The following CRACD variants were observed in gnomAD, a reference collection of about 807,000 sequenced individuals.
The protein encoded by CRACD is capping protein-inhibiting regulator of actin dynamics.
Under a neutral mutation model 106.8 loss-of-function variants are expected in CRACD, and 56 were observed. The ratio of observed to expected loss-of-function variants is 0.52; its 90% CI spans 0.42 to 0.66. CRACD has a LOEUF of 0.66. Among genes scored for constraint, CRACD ranks in the 30% least tolerant of loss-of-function variants. The pLI is 0.00. For synonymous variants in CRACD, 754 were observed against 670.8 expected (o/e 1.12, Z -1.92); for missense variants, 1,730 against 1,623.2 (o/e 1.07, Z -1.13).
chr4:56,310,074 T>C (rs1035046849), intron 5 of CRACD, among the ~76,000 whole-genome samples: 1 of 151,240 alleles, frequency 6.6e-6, no homozygotes, highest in Non-Finnish European at 1.5e-5. Context: ...GTGGGCCATA[T>C]GAAAGGTACA....
chr4:56,085,286 A>G lies in CRACD; in HGVS notation c.-336+35987A>G, dbSNP rs565020803. ...TACTCTCCCGGGAGTCCTTAAAACA[A>G]TATTAGTAGAATCTTTATTTTAAAG... On this transcript the variant is annotated intron_variant, in intron 1 of 10. Transcript: ENST00000682029. Among the ~76,000 whole-genome samples, 8 of 152,296 alleles carry G rather than the reference A, an allele frequency of 5.3e-5. No homozygotes were observed. In the South Asian group the frequency reaches 6.2e-4, roughly 12 times the overall value.
intron 2 of CRACD, among the ~76,000 whole-genome samples, chr4:56,236,361 T>G (rs577073141): frequency 2.0e-5 from 3 of 152,262 alleles, no homozygotes; most frequent in African/African-American, 7.2e-5. Context: ...AGACTTCCCC[T>G]CTAAGAACTG....
chr4:56,059,840 C>T (rs536376004), intron 1 of CRACD, among the ~76,000 whole-genome samples: 2 of 152,108 alleles, frequency 1.3e-5, no homozygotes, highest in Non-Finnish European at 2.9e-5. Flanking sequence ...TGCGCCACCA[C>T]ACCTGGCTAA....
At chr4:56,084,145 AC>A (rs1733135587) in intron 1 of CRACD, among the ~76,000 whole-genome samples, 1 of 152,202 alleles carries the variant, frequency 6.6e-6, no homozygotes, top group South Asian at 2.1e-4. Flanking sequence ...ACTGTGCATC[AC>A]CCCAAAAGAC....
At chr4:56,265,403 G>GGTGTGTGT (rs111811548) in intron 2 of CRACD, among the ~76,000 whole-genome samples, 2 of 77,354 alleles carry the variant, frequency 2.6e-5, no homozygotes, top group Admixed American at 2.9e-4. Flanking sequence ...ATAGAGGAGG[G>GGTGTGTGT]GTGTGTGTGT....
At chr4:56,076,899 C>A (rs534426241) in intron 1 of CRACD, among the ~76,000 whole-genome samples, 1 of 152,306 alleles carries the variant, frequency 6.6e-6, no homozygotes, top group Non-Finnish European at 1.5e-5. Context: ...TAGCTAATAA[C>A]TTGAACATAG....
chr4:56,167,208 CA>C (rs1390617161), intron 1 of CRACD, among the ~76,000 whole-genome samples: 1 of 151,418 alleles, frequency 6.6e-6, no homozygotes, highest in African/African-American at 2.4e-5. Context: ...TCATTTTTTT[CA>C]AAAAAGCTGT....
intron 1 of CRACD, among the ~76,000 whole-genome samples, chr4:56,105,887 C>A (rs1366982383): frequency 6.7e-6 from 1 of 149,952 alleles, no homozygotes; most frequent in Non-Finnish European, 1.5e-5. Context: ...TCTTTTTGAG[C>A]TTTTGGTTGG....
intron 3 of CRACD, among the ~76,000 whole-genome samples, chr4:56,289,718 G>T (rs979234795): frequency 6.6e-6 from 1 of 151,862 alleles, no homozygotes; most frequent in African/African-American, 2.4e-5. Context: ...AGTAAAACTG[G>T]TATATCCTCT....
rs759149211 is a variant in CRACD, at chr4:56,316,546, C to A, written c.3044C>A (p.Pro1015Gln). 1 of 1,613,376 alleles carries A rather than the reference C, an allele frequency of 6.2e-7. No homozygotes were observed. Among genetic ancestry groups the A allele is most frequent in the Non-Finnish European group, 8.5e-7 (1 of 1,179,654 alleles). ...GACCAGGAGAGCAGTGACCGCCGGC[C>A]ACCCTCGCCCCCAGGCCCCGAGGAA... ...KEDQESSDRR[P>Q]PSPPGPEERK... The change falls in exon 8 of 11, where the codon CCA (proline) becomes CAA (glutamine). Residue 1015 changes from proline to glutamine, a missense_variant. Physicochemically the swap from Pro to Gln is moderately conservative, Grantham distance 76 (BLOSUM62 -1). Transcript: ENST00000682029.
At chr4:56,294,936 T>TAAAAAAAAAAAA (rs1743917168) in intron 3 of CRACD, among the ~76,000 whole-genome samples, 1 of 85,628 alleles carries the variant, frequency 1.2e-5, no homozygotes, top group Non-Finnish European at 2.4e-5. Flanking sequence ...AAAAAAAAAG[T>TAAAAAAAAAAAA]AAAAAGAAAA....
At chr4:56,254,406 T>A (rs1741225115) in intron 2 of CRACD, among the ~76,000 whole-genome samples, 1 of 151,848 alleles carries the variant, frequency 6.6e-6, no homozygotes. Context: ...GGGTTTTTTT[T>A]TTTTTCTGTT....
At position 56,305,255 on chromosome 4, in the gene CRACD, C is replaced by T. The variant is rs1744615976; in HGVS notation, c.121-2280C>T. Among the ~76,000 whole-genome samples, 3 of 152,168 alleles carry T rather than the reference C, an allele frequency of 2.0e-5. No individual in the cohort carries two copies. In the South Asian group the frequency reaches 6.2e-4, roughly 32 times the overall value. ...GGAATTATCCTTTCCACTGTAAGCA[C>T]AAGAAATGTCCTCATCTCAGCATTG... On this transcript the variant is annotated intron_variant, in intron 4 of 10. Coordinates refer to ENST00000682029, the MANE Select transcript of CRACD (RefSeq NM_001393381.1).
At chr4:56,216,734 A>G (rs926026120) in intron 2 of CRACD, among the ~76,000 whole-genome samples, 4 of 151,694 alleles carry the variant, frequency 2.6e-5, no homozygotes, top group Non-Finnish European at 5.9e-5. Context: ...TAATCCCAGC[A>G]CTTTGGGAGG....
intron 4 of CRACD, among the ~76,000 whole-genome samples, chr4:56,305,759 G>T (rs1744653860): frequency 6.6e-6 from 1 of 152,146 alleles, no homozygotes; most frequent in African/African-American, 2.4e-5. Flanking sequence ...GGCATGTGGA[G>T]GGGACCCTTG....
In CRACD at chr4:56,316,213, C is replaced by T. The variant is rs776897884; in HGVS notation, c.2711C>T (p.Pro904Leu). 1 of 1,614,080 alleles carries T rather than the reference C, an allele frequency of 6.2e-7. No individual in the cohort carries two copies. ...EMEGVALKHG[P>L]SLPQERKQAP... ...GAGGGTGTGGCCCTCAAGCATGGTC[C>T]ATCCCTCCCCCAAGAGCGGAAGCAA... The change falls in exon 8 of 11, where the codon CCA becomes CTA. Residue 904 changes from proline (P) to leucine (L), a missense_variant. Pro to Leu is a moderately conservative substitution (Grantham distance 98, BLOSUM62 -3). Transcript: ENST00000682029.
At chr4:56,073,566 A>T (rs1173884521) in intron 1 of CRACD, among the ~76,000 whole-genome samples, 1 of 152,020 alleles carries the variant, frequency 6.6e-6, no homozygotes, top group Non-Finnish European at 1.5e-5. Flanking sequence ...TTTTTCTTGT[A>T]AATTTGTTCT....
chr4:56,059,316 C>T (rs1732189177), intron 1 of CRACD, among the ~76,000 whole-genome samples: 1 of 151,814 alleles, frequency 6.6e-6, no homozygotes, highest in African/African-American at 2.4e-5. Flanking sequence ...CAAAGACTTC[C>T]CTCCCACAAA....
intron 1 of CRACD, among the ~76,000 whole-genome samples, chr4:56,091,814 G>C (rs1023194114): frequency 6.6e-6 from 1 of 151,996 alleles, no homozygotes; most frequent in Non-Finnish European, 1.5e-5. Context: ...TACCCTTTTT[G>C]CTATAACAAT....
Sources: gnomAD v4.1 joint callset for allele counts (sites outside exome capture counted in the v4.1 genomes callset) on GRCh38, gnomAD v4.1.1 for gene constraint, MANE v1.5 for transcripts, NCBI Gene and HGNC (gene_info 2026-07-23, HGNC 2026-07-21) for gene names.